The following PNLDC1 variants were observed in gnomAD, a reference collection of about 807,000 sequenced individuals.
The protein encoded by PNLDC1 is PARN like ribonuclease domain containing exonuclease 1.
PNLDC1 carries 70 observed loss-of-function variants against 82.0 expected under a neutral mutation model. That is an observed-to-expected ratio of 0.85 (90% CI 0.70 to 1.04). The LOEUF (loss-of-function observed/expected upper bound fraction) is 1.04, where lower values mean the gene tolerates loss of function less well. Ranked by LOEUF, PNLDC1 falls within the 50% of genes least tolerant of loss-of-function variation. The pLI is 0.00. For synonymous variants in PNLDC1, 280 were observed against 249.3 expected, an observed-to-expected ratio of 1.12 and a Z score of -1.16; for missense variants, 631 against 661.1, an observed-to-expected ratio of 0.95 and a Z score of 0.50.
chr6:159,816,260 A>G lies in PNLDC1; in HGVS notation c.1060+227A>G, dbSNP rs569616146. On this transcript the variant is annotated intron_variant, in intron 13 of 18. Coordinates refer to ENST00000392167, the MANE Select transcript of PNLDC1 (RefSeq NM_001271862.2). Reference sequence around the variant, plus strand: ...GGTTTTCCTTCACTCTGCTTACTCCATGTAACTCCTGCCCCAAATGAGCGA... The same window carrying G: ...GGTTTTCCTTCACTCTGCTTACTCCGTGTAACTCCTGCCCCAAATGAGCGA... Among the ~76,000 whole-genome samples the G allele has an allele frequency of 7.7e-5, 10 of 130,546 alleles. No homozygotes were observed. In the East Asian group the frequency reaches 2.5e-3, roughly 32 times the overall value. 85.6% of individuals were successfully genotyped at this position (130,546 alleles called of 152,430 possible). A position where few individuals can be genotyped will look rare whatever the true frequency, so the allele number is the denominator to read the frequency against.
chr6:159,817,221 C>A, intron 15 of PNLDC1, 70 bp downstream of exon 15: 1 of 1,354,864 alleles, frequency 7.4e-7, no homozygotes, highest in Non-Finnish European at 1.1e-6. Flanking sequence ...TGCTGGAAGC[C>A]AACACCTCTC....
At chr6:159,820,297 A>T (rs1781994726) in intron 18 of PNLDC1, among the ~76,000 whole-genome samples, 157 bp from the exon 19 acceptor site, 1 of 152,172 alleles carries the variant, frequency 6.6e-6, no homozygotes, top group African/African-American at 2.4e-5. Context: ...AGCCAGCCTA[A>T]CCTCGAGAGG....
intron 8 of PNLDC1, 67 bp downstream of exon 8, chr6:159,808,883 G>A: frequency 1.3e-6 from 2 of 1,599,130 alleles, no homozygotes; most frequent in Non-Finnish European, 1.7e-6. Flanking sequence ...GGCCAAATCT[G>A]GCCTCTGAAA....
Position 159,800,347 on chromosome 6 carries a change from C to T in PNLDC1, c.40C>T (p.Leu14=). The T allele has an allele frequency of 1.3e-6, 2 of 1,547,936 alleles. No homozygotes were observed. The highest frequency in any genetic ancestry group is 2.3e-4 in the Middle Eastern group (1 of 4,438). The change falls in exon 1 of 19, where the codon CTG becomes TTG. Residue 14 remains leucine (L), a synonymous_variant. Transcript: ENST00000392167. Reference sequence around the variant, plus strand: ...CGACGAGTTCGAGGAGAGCCTCCCTCTGCTGCAGGAGCTCGTCCAGGAGGC... The same window carrying T: ...CGACGAGTTCGAGGAGAGCCTCCCTTTGCTGCAGGAGCTCGTCCAGGAGGC... The part of the protein sequence containing the change: ...GADEFEESLP[L]LQELVQEADF...
rs1358001772 is a variant in PNLDC1 at position 159,800,568 on chromosome 6, C to T, written c.76+185C>T. ...TGAGCAGCAAGTACACTCCGAGCCC[C>T]ACGTCCCTTGTTGGCCAGAGCCCCG... On this transcript the variant is annotated intron_variant, in intron 1 of 18. Coordinates refer to ENST00000392167, the MANE Select transcript of PNLDC1 (RefSeq NM_001271862.2). 5.6e-6 allele frequency: 8 copies of T among 1,422,968 alleles called. No homozygotes were observed. In the East Asian group the frequency reaches 1.4e-4, roughly 25 times the overall value. 88.1% of individuals were successfully genotyped at this position (1,422,968 alleles called of 1,614,324 possible).
At chr6:159,806,555 T>C (rs1781453747) in intron 7 of PNLDC1, among the ~76,000 whole-genome samples, 1 of 152,178 alleles carries the variant, frequency 6.6e-6, no homozygotes, top group African/African-American at 2.4e-5. Flanking sequence ...CTATTGTCAT[T>C]GTGCCATTTG....
At chr6:159,816,065 A>T (rs1455533322) in intron 13 of PNLDC1, 32 bp downstream of exon 13, 1 of 1,479,232 alleles carries the variant, frequency 6.8e-7, no homozygotes, top group Non-Finnish European at 9.1e-7. Flanking sequence ...ATCCTTGCAC[A>T]GTCGGCAGAG....
intron 7 of PNLDC1, among the ~76,000 whole-genome samples, chr6:159,807,509 G>A (rs1490151961): frequency 2.0e-5 from 3 of 152,216 alleles, no homozygotes; most frequent in Non-Finnish European, 4.4e-5. Flanking sequence ...GCCACCGTAA[G>A]CTTGACAGCT....
intron 15 of PNLDC1, 131 bp from the exon 16 acceptor site, chr6:159,818,424 G>T: frequency 9.2e-6 from 7 of 764,544 alleles, no homozygotes; most frequent in Non-Finnish European, 1.5e-5. Context: ...CCCAAGACTT[G>T]TGAGGGCAGG....
rs769667908 is a variant in PNLDC1 at position 159,819,148 on chromosome 6, C to A, written c.1433+27C>A. On this transcript the variant is annotated intron_variant, in intron 17 of 18. Transcript: ENST00000392167. This position sits in a 1 kb window ranked among gnomAD's most constrained non-coding sequence, Gnocchi z 4.6. The stretch of plus-strand genomic sequence containing the variant: ...TAGGTGCCTCTAAGTCCGCGTCCCC[C>A]ACCCCTCGTGCGTTCATCCCTGTAT... 3.7e-6 allele frequency: 6 copies of A among 1,611,714 alleles called. No homozygotes were observed. The African/African-American group carries it at 5.3e-5, about 14-fold the overall frequency.
upstream of PNLDC1, among the ~76,000 whole-genome samples, chr6:159,799,831 A>T (rs1242138261): frequency 6.6e-6 from 1 of 152,040 alleles, no homozygotes; most frequent in East Asian, 1.9e-4. Context: ...TGGGAGAGGG[A>T]ATGGGGACAG....
At chr6:159,804,455 C>T (rs565663491) in intron 5 of PNLDC1, 94 bp from the exon 6 acceptor site, 3 of 863,058 alleles carry the variant, frequency 3.5e-6, no homozygotes, top group East Asian at 2.6e-5. Context: ...AGCCCGTCTC[C>T]TTTCCCCTTT....
chr6:159,800,439 C>A, intron 1 of PNLDC1, 56 bp downstream of exon 1: 1 of 1,520,490 alleles, frequency 6.6e-7, no homozygotes, highest in Non-Finnish European at 8.9e-7. Context: ...CCCGGGCGAG[C>A]TTGAGGAGGG....
Position 159,816,550 on chromosome 6 carries a change from A to C in PNLDC1, c.1068A>C (p.Thr356=), listed in dbSNP as rs371875829. ...HASRCEKYVE[T]KCPHEAAYDA... ...TGGTGGAAAATGCCTCAGTTGAGAC[A>C]AAGTGCCCCCACGAAGCCGCGTATG... Residue 356 remains threonine (T), a synonymous_variant, in exon 14 of 19, where the codon ACA becomes ACC. Transcript: ENST00000392167. 57 of 1,613,428 alleles carry C rather than the reference A, an allele frequency of 3.5e-5. No homozygotes were observed. The East Asian group carries it at 1.0e-3, about 30-fold the overall frequency.
In PNLDC1 at chr6:159,817,061, G is replaced by A. The variant is rs2115059428; in HGVS notation, c.1115-48G>A. 2.0e-6 allele frequency: 3 copies of A among 1,535,392 alleles called. No homozygotes were observed. The East Asian group carries it at 6.7e-5, about 34-fold the overall frequency. On this transcript the variant is annotated intron_variant, in intron 14 of 18. Transcript: ENST00000392167. ...ACATAATGAGATAAAGCATAAGCAT[G>A]CACATTTTGATAAGCTCTATTGCAT...
chr6:159,813,672 CCTGGAGCTACTG>C lies in PNLDC1; in HGVS notation c.995+24_995+35del, dbSNP rs1562503750. On this transcript the variant is annotated intron_variant, in intron 12 of 18. Coordinates refer to ENST00000392167, the MANE Select transcript of PNLDC1 (RefSeq NM_001271862.2). Reference sequence around the variant, plus strand: ...TCCTGAACAGGTGAGGACGGCGATTCCTGGAGCTACTGCTGGAGCGGCCTTGGTGGCCTCCCT... The same window carrying C: ...TCCTGAACAGGTGAGGACGGCGATTCCTGGAGCGGCCTTGGTGGCCTCCCT... 6.2e-7 allele frequency: 1 copy of C among 1,612,350 alleles called. No individual in the cohort carries two copies. Among genetic ancestry groups the C allele is most frequent in the South Asian group, 1.1e-5 (1 of 91,034 alleles).
Position 159,800,803 on chromosome 6 carries a change from T to C in PNLDC1, c.108T>C (p.Ser36=). 1.9e-6 allele frequency: 3 copies of C among 1,614,196 alleles called. No homozygotes were observed. The highest frequency in any genetic ancestry group is 1.7e-6 in the Non-Finnish European group (2 of 1,180,036). ...ACATAGAGTTCACGGGCCTTCGTTC[T>C]AACCTGTCTGGGCCCCAGCAGATCA... The part of the protein sequence containing the change: ...GLDIEFTGLR[S]NLSGPQQISL... The change falls in exon 2 of 19, where the codon TCT becomes TCC. Residue 36 remains serine (S), a synonymous_variant. Transcript: ENST00000392167.
chr6:159,807,908 A>AT lies in PNLDC1; in HGVS notation c.563-822dup, dbSNP rs202104270. The stretch of plus-strand genomic sequence containing the variant: ...CACCTACACATCTGCTTGAGGCTGG[A>AT]TTTTTTTTTTCTTTTTTTTTTTTGA... On this transcript the variant is annotated intron_variant, in intron 7 of 18. Transcript: ENST00000392167. 4.1e-3 allele frequency among the ~76,000 whole-genome samples: 596 copies of AT among 144,544 alleles called. 4 individuals carry two copies. Among genetic ancestry groups the AT allele is most frequent in the African/African-American group, 0.014 (536 of 38,810 alleles). 94.8% of individuals were successfully genotyped at this position (144,544 alleles called of 152,430 possible).
At chr6:159,812,341 A>G (rs1208728847) in intron 11 of PNLDC1, among the ~76,000 whole-genome samples, 7 of 152,026 alleles carry the variant, frequency 4.6e-5, no homozygotes, top group Non-Finnish European at 2.9e-5. Flanking sequence ...TCCAGTTTCC[A>G]CATTTTGACT....
Sources: gnomAD v4.1 joint callset for allele counts (sites outside exome capture counted in the v4.1 genomes callset) on GRCh38, gnomAD v4.1.1 for gene constraint, Gnocchi (gnomAD v3.1) non-coding constraint, MANE v1.5 for transcripts, NCBI Gene and HGNC (gene_info 2026-07-23, HGNC 2026-07-21) for gene names.